The following ZMAT3 variants were observed in gnomAD, a reference collection of about 807,000 sequenced individuals.
The protein encoded by ZMAT3 is zinc finger matrin-type 3.
Under a neutral mutation model 32.3 loss-of-function variants are expected in ZMAT3, and 17 were observed. That is an observed-to-expected ratio of 0.53 (90% CI 0.36 to 0.79). The LOEUF (loss-of-function observed/expected upper bound fraction) is 0.79. Among genes scored for constraint, ZMAT3 ranks in the 30% least tolerant of loss-of-function variants. ZMAT3 has a pLI of 0.00. For synonymous variants in ZMAT3, 120 were observed against 133.1 expected, an observed-to-expected ratio of 0.90 and a Z score of 0.68; for missense variants, 329 against 359.7, an observed-to-expected ratio of 0.91 and a Z score of 0.69.
At chr3:179,063,780 G>A (rs1257369102) in intron 2 of ZMAT3, among the ~76,000 whole-genome samples, 2 of 152,174 alleles carry the variant, frequency 1.3e-5, no homozygotes, top group African/African-American at 2.4e-5. Context: ...CTCCTCCAAA[G>A]ATTGGATTTT....
intron 2 of ZMAT3, among the ~76,000 whole-genome samples, chr3:179,053,317 G>T (rs1381696643): frequency 6.6e-6 from 1 of 150,714 alleles, no homozygotes; most frequent in Non-Finnish European, 1.5e-5. Context: ...TATAAAATTA[G>T]AATCCATAAA....
chr3:179,034,011 G>A (rs961358637), intron 2 of ZMAT3, among the ~76,000 whole-genome samples: 3 of 152,138 alleles, frequency 2.0e-5, no homozygotes, highest in Non-Finnish European at 4.4e-5. Context: ...TTCTCATCAC[G>A]TTTTATTAGT....
chr3:179,030,004 G>A (rs189284176), intron 3 of ZMAT3, among the ~76,000 whole-genome samples: 4 of 152,260 alleles, frequency 2.6e-5, no homozygotes, highest in African/African-American at 9.6e-5. Context: ...TATGACCACT[G>A]TATTGTTTTT....
chr3:179,066,033 T>G (rs1721398991), intron 2 of ZMAT3, among the ~76,000 whole-genome samples: 1 of 152,258 alleles, frequency 6.6e-6, no homozygotes, highest in African/African-American at 2.4e-5. Context: ...CTGGCTTCTT[T>G]TTTCAAAGTG....
At chr3:179,052,025 A>G (rs1348056967) in intron 2 of ZMAT3, among the ~76,000 whole-genome samples, 6 of 152,216 alleles carry the variant, frequency 3.9e-5, no homozygotes, top group African/African-American at 1.4e-4. Flanking sequence ...ACAAAAATCA[A>G]CTAGAGATGG....
chr3:179,026,436 G>GAATGCAGT (rs1035384160), intron 5 of ZMAT3, among the ~76,000 whole-genome samples: 6 of 135,534 alleles, frequency 4.4e-5, no homozygotes, highest in Admixed American at 1.6e-4. Context: ...ACCCAGACTG[G>GAATGCAGT]AATGCAGTGG....
chr3:179,062,767 CT>C (rs1721215590), intron 2 of ZMAT3, among the ~76,000 whole-genome samples: 1 of 152,160 alleles, frequency 6.6e-6, no homozygotes. Context: ...TCATGAGAAT[CT>C]TTTAAGGTAA....
intron 2 of ZMAT3, among the ~76,000 whole-genome samples, chr3:179,053,288 G>A (rs1439221288): frequency 6.8e-6 from 1 of 147,918 alleles, no homozygotes; most frequent in Non-Finnish European, 1.5e-5. Context: ...TATATCTATA[G>A]ATATAGATAT....
At chr3:179,048,748 A>T (rs1045040956) in intron 2 of ZMAT3, among the ~76,000 whole-genome samples, 10 of 151,078 alleles carry the variant, frequency 6.6e-5, no homozygotes, top group East Asian at 1.9e-4. Flanking sequence ...AAAATAACAC[A>T]ATGGAAAAAA....
rs759454195 is a variant in ZMAT3, at chr3:179,067,664, G to A, written c.89C>T (p.Thr30Ile). Residue 30 changes from threonine (T) to isoleucine (I), a missense_variant, in exon 2 of 6, where the codon ACC becomes ATC. By Grantham distance (89) the Thr-to-Ile change is moderately conservative. Coordinates refer to ENST00000311417, the MANE Select transcript of ZMAT3 (RefSeq NM_022470.4). Reference sequence around the variant, plus strand: ...AGGCTTCTGTGGTGGAAGCTGCAAGGTTCCTGTAGACCTGGTGGCCACTGA... The same window carrying A: ...AGGCTTCTGTGGTGGAAGCTGCAAGATTCCTGTAGACCTGGTGGCCACTGA... The part of the protein sequence containing the change: ...PMSVATRSTG[T>I]LQLPPQKPFG... 6 of 1,614,210 alleles carry A rather than the reference G, an allele frequency of 3.7e-6. No individual in the cohort carries two copies. In the South Asian group the frequency reaches 6.6e-5, roughly 18 times the overall value.
intron 2 of ZMAT3, among the ~76,000 whole-genome samples, chr3:179,040,590 C>CACAG (rs201198020): frequency 0.041 from 3,763 of 91,826 alleles, 161 homozygotes; most frequent in African/African-American, 0.14. Flanking sequence ...AAGCACTAAA[C>CACAG]ATAGAAACAA....
intron 2 of ZMAT3, among the ~76,000 whole-genome samples, chr3:179,042,981 G>A (rs559153910): frequency 4.6e-5 from 7 of 152,038 alleles, no homozygotes; most frequent in African/African-American, 1.4e-4. Flanking sequence ...CAATTGCTAC[G>A]AAAACAATAA....
In ZMAT3 at chr3:179,023,401, T is replaced by C. The variant is rs1344297148; in HGVS notation, c.*1616A>G. 3 of 151,930 alleles carry C rather than the reference T, an allele frequency of 2.0e-5. No homozygotes were observed. The highest frequency in any genetic ancestry group is 4.4e-5 in the Non-Finnish European group (3 of 67,986). 9.4% of individuals were successfully genotyped at this position (151,930 alleles called of 1,614,324 possible). A position where few individuals can be genotyped will look rare whatever the true frequency, so the allele number is the denominator to read the frequency against. ...AAAGAATAAAACCATAGTTCGTGTATATTTCTACTGGAAACGAAGATAGTG... is the reference window on the plus strand; with the variant it reads ...AAAGAATAAAACCATAGTTCGTGTACATTTCTACTGGAAACGAAGATAGTG... On this transcript the variant is annotated 3_prime_UTR_variant, in exon 6 of 6. Coordinates refer to ENST00000311417, the MANE Select transcript of ZMAT3 (RefSeq NM_022470.4).
chr3:179,067,884 C>A, intron 1 of ZMAT3, 75 bp from the exon 2 acceptor site: 2 of 1,341,076 alleles, frequency 1.5e-6, no homozygotes, highest in Non-Finnish European at 2.0e-6. Context: ...ATGTAAATGA[C>A]AACATAATCT....
chr3:179,027,446 A>G lies in ZMAT3; in HGVS notation c.635T>C (p.Met212Thr), dbSNP rs1718930228. 2 of 1,614,214 alleles carry G rather than the reference A, an allele frequency of 1.2e-6. No individual in the cohort carries two copies. Among genetic ancestry groups the G allele is most frequent in the Non-Finnish European group, 1.7e-6 (2 of 1,180,034 alleles). Residue 212 changes from methionine (M) to threonine (T), a missense_variant, in exon 5 of 6, where the codon ATG (methionine) becomes ACG (threonine). Transcript: ENST00000311417. The stretch of plus-strand genomic sequence containing the variant: ...ACCTGAATTATTCTGTACTGTATAC[A>G]TATTTCTCCTGTTAGGCATCATCTT... ...EFKMMPNRRN[M>T]YTVQNNSAGP...
intron 2 of ZMAT3, among the ~76,000 whole-genome samples, chr3:179,032,443 G>C (rs938779194): frequency 6.6e-6 from 1 of 152,030 alleles, no homozygotes; most frequent in Non-Finnish European, 1.5e-5. Flanking sequence ...GAAGTGAGGA[G>C]CGTCTCTGCC....
chr3:179,068,800 A>G (rs992214890), intron 1 of ZMAT3, among the ~76,000 whole-genome samples: 1 of 152,200 alleles, frequency 6.6e-6, no homozygotes, highest in Non-Finnish European at 1.5e-5. Flanking sequence ...TGGAATATAC[A>G]GTTTTGTTTT....
Position 179,024,828 on chromosome 3 carries a change from T to C in ZMAT3, c.*189A>G. ...GCGTTATGACCTAAGAAGCACGTTC[T>C]TCACACCCACCTCCCCCCGCCCCGC... On this transcript the variant is annotated 3_prime_UTR_variant, in exon 6 of 6. Coordinates refer to ENST00000311417, the MANE Select transcript of ZMAT3 (RefSeq NM_022470.4). 2 of 596,358 alleles carry C rather than the reference T, an allele frequency of 3.4e-6. No homozygotes were observed. The highest frequency in any genetic ancestry group is 3.0e-6 in the Non-Finnish European group (1 of 335,792). The allele number at this position is 596,358 out of a possible 1,614,324, so 36.9% of individuals were successfully genotyped here.
At chr3:179,043,813 C>T (rs914819722) in intron 2 of ZMAT3, among the ~76,000 whole-genome samples, 3 of 152,114 alleles carry the variant, frequency 2.0e-5, no homozygotes, top group Non-Finnish European at 4.4e-5. Context: ...AAAATTTTTG[C>T]GATCTCCCCA....
Sources: gnomAD v4.1 joint callset for allele counts (sites outside exome capture counted in the v4.1 genomes callset) on GRCh38, gnomAD v4.1.1 for gene constraint, MANE v1.5 for transcripts, NCBI Gene and HGNC (gene_info 2026-07-23, HGNC 2026-07-21) for gene names.